Variants in HCRT observed in about 807,000 individuals in gnomAD.
HCRT encodes hypocretin (orexin) neuropeptide.
A neutral mutation model predicts 5.7 loss-of-function variants in HCRT; 5 were observed. The ratio of observed to expected loss-of-function variants is 0.87; its 90% CI spans 0.45 to 1.83. The LOEUF is 1.83. Among genes scored for constraint, HCRT ranks in the 40% most tolerant of loss-of-function variants. HCRT has a pLI of 0.02. For missense variants in HCRT, 207 were observed against 191.8 expected, an observed-to-expected ratio of 1.08 and a Z score of -0.47; for synonymous variants, 114 against 99.0, an observed-to-expected ratio of 1.15 and a Z score of -0.90.
At position 42,185,341 on chromosome 17, in the gene HCRT, T is replaced by G. The variant is rs763690093; in HGVS notation, c.21+4A>C. The G allele has an allele frequency of 2.5e-6, 4 of 1,613,924 alleles. No homozygotes were observed. In the South Asian group the frequency reaches 4.4e-5, roughly 18 times the overall value. The stretch of plus-strand genomic sequence containing the variant: ...GAGTCACCCCTCCATCCCTGGATCT[T>G]TACCTTTGTGGAAGGAAGGTTCATG... On this transcript the variant is annotated splice_donor_region_variant and intron_variant, in intron 1 of 1. Transcript: ENST00000293330.
At position 42,184,156 on chromosome 17, in the gene HCRT, A is replaced by G; in HGVS notation, c.394T>C (p.Ter132ArgextTer?). The G allele has an allele frequency of 7.8e-7, 1 of 1,284,464 alleles. No individual in the cohort carries two copies. Among genetic ancestry groups the G allele is most frequent in the East Asian group, 3.1e-5 (1 of 31,868 alleles). 79.6% of individuals were successfully genotyped at this position (1,284,464 alleles called of 1,614,324 possible). A position where few individuals can be genotyped will look rare whatever the true frequency, so the allele number is the denominator to read the frequency against. Residue 132 changes from the stop codon to arginine (R), a stop_lost, in exon 2 of 2, where the codon TGA (stop) becomes CGA (arginine). Coordinates refer to ENST00000293330, the MANE Select transcript of HCRT (RefSeq NM_001524.1). ...SVAPGGQSGI[*>R] ...CAGGACAGGGCCCGAAGAACGACTC[A>G]GATCCCGGACTGTCCTCCGGGCGCG...
chr17:42,184,151 G>T lies in HCRT; in HGVS notation c.*3C>A. The T allele has an allele frequency of 2.3e-6, 3 of 1,282,078 alleles. No individual in the cohort carries two copies. In the South Asian group the frequency reaches 9.1e-5, roughly 39 times the overall value. The allele number at this position is 1,282,078 out of a possible 1,614,324, so 79.4% of individuals were successfully genotyped here. A position where few individuals can be genotyped will look rare whatever the true frequency, so the allele number is the denominator to read the frequency against. ...TGGGCCAGGACAGGGCCCGAAGAACGACTCAGATCCCGGACTGTCCTCCGG... is the reference window on the plus strand; with the variant it reads ...TGGGCCAGGACAGGGCCCGAAGAACTACTCAGATCCCGGACTGTCCTCCGG... On this transcript the variant is annotated 3_prime_UTR_variant, in exon 2 of 2. Transcript: ENST00000293330.
intron 1 of HCRT, 56 bp from the exon 2 acceptor site, chr17:42,184,584 C>T (rs2079924666): frequency 1.4e-6 from 2 of 1,472,278 alleles, no homozygotes; most frequent in Non-Finnish European, 1.8e-6. Context: ...CCGCCACCAG[C>T]TCCCACGCCC....
In HCRT at chr17:42,184,317, C is replaced by G. The variant is rs558579797; in HGVS notation, c.233G>C (p.Gly78Ala). 1.3e-6 allele frequency: 2 copies of G among 1,542,902 alleles called. No individual in the cohort carries two copies. The highest frequency in any genetic ancestry group is 1.9e-5 in the Admixed American group (1 of 52,620). ...GGCCTGCAGGAGGCGCTGCAGCCGA[C>G]CCTGGAGGCCCGGGGGCCCGGACCT... is the stretch of plus-strand genomic sequence containing the variant. ...KRRSGPPGLQ[G>A]RLQRLLQASG... is the part of the protein sequence containing the mutation. Residue 78 changes from glycine (G) to alanine (A), a missense_variant, in exon 2 of 2, where the codon GGT becomes GCT. Physicochemically the swap from Gly to Ala is moderately conservative, Grantham distance 60. Transcript: ENST00000293330.
chr17:42,185,124 G>A (rs1216520353), intron 1 of HCRT, among the ~76,000 whole-genome samples: 1 of 152,170 alleles, frequency 6.6e-6, no homozygotes, highest in African/African-American at 2.4e-5. Context: ...AGAGATGACA[G>A]GTGCAAACGG....
At chr17:42,185,240 A>G in intron 1 of HCRT, 105 bp downstream of exon 1, 1 of 1,103,094 alleles carries the variant, frequency 9.1e-7, no homozygotes, top group Non-Finnish European at 1.4e-6. Flanking sequence ...ACCCAGGAAA[A>G]GACCAAGAGT....
chr17:42,184,388 G>C lies in HCRT; in HGVS notation c.162C>G (p.His54Gln). ...TCSCRLYELLHGAGNHAAGIL... is the reference protein window; with the variant it reads ...TCSCRLYELLQGAGNHAAGIL... Reference sequence around the variant, plus strand: ...TGCCGGCCGCGTGATTGCCCGCGCCGTGCAGCAGCTCGTAGAGGCGGCAAG... The same window carrying C: ...TGCCGGCCGCGTGATTGCCCGCGCCCTGCAGCAGCTCGTAGAGGCGGCAAG... The change falls in exon 2 of 2, where the codon CAC (histidine) becomes CAG (glutamine). Residue 54 changes from histidine (H) to glutamine (Q), a missense_variant. By Grantham distance (24) the His-to-Gln change is conservative. Transcript: ENST00000293330. The C allele has an allele frequency of 1.2e-6, 2 of 1,600,534 alleles. No individual in the cohort carries two copies. Among genetic ancestry groups the C allele is most frequent in the Non-Finnish European group, 1.7e-6 (2 of 1,177,308 alleles).
chr17:42,184,630 C>T (rs996979547), intron 1 of HCRT, 102 bp from the exon 2 acceptor site: 3 of 1,408,712 alleles, frequency 2.1e-6, no homozygotes, highest in East Asian at 5.4e-5. Context: ...CCCCTCCAAG[C>T]CTGCACTCCT....
chr17:42,185,044 A>G (rs995395377), intron 1 of HCRT, among the ~76,000 whole-genome samples: 1 of 152,204 alleles, frequency 6.6e-6, no homozygotes, highest in African/African-American at 2.4e-5. Context: ...CAGAGGGCAC[A>G]GCTCCCTTAC....
intron 1 of HCRT, 30 bp from the exon 2 acceptor site, chr17:42,184,558 G>C: frequency 1.3e-6 from 2 of 1,493,240 alleles, no homozygotes; most frequent in Non-Finnish European, 1.8e-6. Flanking sequence ...GCGCTGGGGG[G>C]GTCTTCCCAC....
rs1598282319 is a variant in HCRT, at chr17:42,184,132, A to T, written c.*22T>A. 7.8e-7 allele frequency: 1 copy of T among 1,274,516 alleles called. No homozygotes were observed. The highest frequency in any genetic ancestry group is 3.2e-5 in the East Asian group (1 of 31,648). 79.0% of individuals were successfully genotyped at this position (1,274,516 alleles called of 1,614,324 possible). A position where few individuals can be genotyped will look rare whatever the true frequency, so the allele number is the denominator to read the frequency against. Reference sequence around the variant, plus strand: ...TGGGCAGAGGGCAGAGGCCTGGGCCAGGACAGGGCCCGAAGAACGACTCAG... The same window carrying T: ...TGGGCAGAGGGCAGAGGCCTGGGCCTGGACAGGGCCCGAAGAACGACTCAG... On this transcript the variant is annotated 3_prime_UTR_variant, in exon 2 of 2. Transcript: ENST00000293330.
chr17:42,184,609 T>G, intron 1 of HCRT, 81 bp from the exon 2 acceptor site: 1 of 1,437,836 alleles, frequency 7.0e-7, no homozygotes, highest in South Asian at 1.4e-5. Context: ...CCTGCCCCTC[T>G]GGCTCCGCGC....
Position 42,184,529 on chromosome 17 carries a change from C to T in HCRT, c.22-1G>A. The T allele has an allele frequency of 1.3e-6, 2 of 1,531,436 alleles. No homozygotes were observed. The highest frequency in any genetic ancestry group is 2.4e-5 in the South Asian group (2 of 83,748). 94.9% of individuals were successfully genotyped at this position (1,531,436 alleles called of 1,614,324 possible). On this transcript the variant is annotated splice_acceptor_variant, in intron 1 of 1. Transcript: ENST00000293330. LOFTEE classifies it high-confidence loss of function. The stretch of plus-strand genomic sequence containing the variant: ...GTAGCGTCACGGCGGCCCAGGAGAC[C>T]TAGGGAGACGGAGACAGGGCGCTGG...
chr17:42,184,555 G>A, intron 1 of HCRT, 27 bp from the exon 2 acceptor site: 1 of 1,496,926 alleles, frequency 6.7e-7, no homozygotes, highest in South Asian at 1.2e-5. Flanking sequence ...AGGGCGCTGG[G>A]GGGGTCTTCC....
At position 42,185,399 on chromosome 17, in the gene HCRT, A is replaced by G. The variant is rs962939838; in HGVS notation, c.-34T>C. On this transcript the variant is annotated 5_prime_UTR_variant, in exon 1 of 2. Transcript: ENST00000293330. ...GCGCTCAGGGTGGGGTAGCCGGGAAAGGAGATGTCTGTGGTGGTTCAAAAA... is the reference window on the plus strand; with the variant it reads ...GCGCTCAGGGTGGGGTAGCCGGGAAGGGAGATGTCTGTGGTGGTTCAAAAA... The G allele has an allele frequency of 2.5e-6, 4 of 1,611,568 alleles. No homozygotes were observed. The highest frequency in any genetic ancestry group is 3.4e-6 in the Non-Finnish European group (4 of 1,177,856).
chr17:42,184,661 TCCTTGCTTTGCGC>T, intron 1 of HCRT, 133 bp from the exon 2 acceptor site: 2 of 1,329,250 alleles, frequency 1.5e-6, no homozygotes, highest in Non-Finnish European at 2.0e-6. Flanking sequence ...CACTTAGTTC[TCCTTGCTTTGCGC>T]CCTTGCTGGT....
rs1448421763 is a variant in HCRT at position 42,184,462 on chromosome 17, C to G, written c.88G>C (p.Gly30Arg). 1.9e-6 allele frequency: 3 copies of G among 1,591,806 alleles called. No homozygotes were observed. Among genetic ancestry groups the G allele is most frequent in the Non-Finnish European group, 1.7e-6 (2 of 1,174,496 alleles). ...TCGGGCAGGGGCTGTGCAGCCGCCC[C>G]GGACGACAACAGCGCGGGCGGCAGC... ...LLLPPALLSSGAAAQPLPDCC... is the reference protein window; with the variant it reads ...LLLPPALLSSRAAAQPLPDCC... The change falls in exon 2 of 2, where the codon GGG becomes CGG. Residue 30 changes from glycine (G) to arginine (R), a missense_variant. Transcript: ENST00000293330.
chr17:42,185,234 A>T, intron 1 of HCRT, 111 bp downstream of exon 1: 1 of 1,046,126 alleles, frequency 9.6e-7, no homozygotes, highest in Non-Finnish European at 1.5e-6. Flanking sequence ...GAGCACACCC[A>T]GGAAAAGACC....
At chr17:42,185,235 G>C in intron 1 of HCRT, 110 bp downstream of exon 1, 1 of 1,069,146 alleles carries the variant, frequency 9.4e-7, no homozygotes, top group Non-Finnish European at 1.4e-6. Context: ...AGCACACCCA[G>C]GAAAAGACCA....
Sources: gnomAD v4.1 joint callset for allele counts (sites outside exome capture counted in the v4.1 genomes callset) on GRCh38, gnomAD v4.1.1 for gene constraint, MANE v1.5 for transcripts, NCBI Gene and HGNC (gene_info 2026-07-23, HGNC 2026-07-21) for gene names.